Variants in LAMA4 observed in about 807,000 individuals in gnomAD.
The protein encoded by LAMA4 is laminin subunit alpha 4.
A neutral mutation model predicts 207.1 loss-of-function variants in LAMA4; 127 were observed. That is an observed-to-expected ratio of 0.61 (90% CI 0.53 to 0.71). The LOEUF (loss-of-function observed/expected upper bound fraction) is 0.71. Among genes scored for constraint, LAMA4 ranks in the 30% least tolerant of loss-of-function variants. The pLI, the probability that LAMA4 is intolerant of heterozygous loss-of-function variation, is 0.00. For synonymous variants in LAMA4, 761 were observed against 816.0 expected (o/e 0.93, Z 1.15); for missense variants, 2,093 against 2,246.5 (o/e 0.93, Z 1.38).
intron 17 of LAMA4, 50 bp downstream of exon 17, chr6:112,150,461 T>C: frequency 9.0e-7 from 1 of 1,106,150 alleles, no homozygotes; most frequent in Non-Finnish European, 1.4e-6. Context: ...AGGTTTACCT[T>C]ACACTCCAGT....
intron 18 of LAMA4, among the ~76,000 whole-genome samples, chr6:112,147,398 A>T (rs2114734637): frequency 6.6e-6 from 1 of 152,302 alleles, no homozygotes; most frequent in East Asian, 1.9e-4. Flanking sequence ...TCATATATGG[A>T]TTTATGACCT....
chr6:112,189,273 T>G (rs1782877567), intron 6 of LAMA4, 68 bp from the exon 7 acceptor site: 7 of 1,106,868 alleles, frequency 6.3e-6, no homozygotes, highest in East Asian at 2.4e-5. Context: ...AATATTTTCC[T>G]GGTTTCTAGA....
intron 6 of LAMA4, among the ~76,000 whole-genome samples, chr6:112,190,947 C>CCTTCCTTTCTTT (rs1783059483): frequency 7.4e-5 from 3 of 40,472 alleles, no homozygotes; most frequent in African/African-American, 2.2e-4. Flanking sequence ...TTCTTTCTTT[C>CCTTCCTTTCTTT]CTTTCTTTCT....
chr6:112,184,062 T>C (rs1554345950), intron 9 of LAMA4, among the ~76,000 whole-genome samples: 1 of 152,014 alleles, frequency 6.6e-6, no homozygotes, highest in African/African-American at 2.4e-5. Context: ...TATTTCTTGG[T>C]ATTTCCTTTA....
At chr6:112,190,774 A>G (rs927760517) in intron 6 of LAMA4, among the ~76,000 whole-genome samples, 1 of 152,222 alleles carries the variant, frequency 6.6e-6, no homozygotes, top group African/African-American at 2.4e-5. Flanking sequence ...TTGACTTGCT[A>G]ATCTATTTTA....
chr6:112,195,975 C>T (rs1055731667), intron 5 of LAMA4, among the ~76,000 whole-genome samples: 9 of 88,936 alleles, frequency 1.0e-4, no homozygotes, highest in Non-Finnish European at 1.7e-4. Context: ...ACTACACACA[C>T]TGCTATATAT....
chr6:112,110,887 C>T (rs1412781368), intron 38 of LAMA4, among the ~76,000 whole-genome samples: 1 of 152,050 alleles, frequency 6.6e-6, no homozygotes, highest in African/African-American at 2.4e-5. Context: ...GCCCTAGGAT[C>T]CTAAGTAATT....
At chr6:112,134,900 G>C (rs919639309) in intron 25 of LAMA4, among the ~76,000 whole-genome samples, 6 of 146,036 alleles carry the variant, frequency 4.1e-5, no homozygotes, top group Admixed American at 2.1e-4. Context: ...CTTCTGAGAG[G>C]ATTCAGGAAA....
Position 112,117,926 on chromosome 6 carries a change from C to T in LAMA4, c.4822-28G>A. 1.2e-6 allele frequency: 2 copies of T among 1,605,012 alleles called. No individual in the cohort carries two copies. The highest frequency in any genetic ancestry group is 2.2e-5 in the South Asian group (2 of 90,550). On this transcript the variant is annotated intron_variant, in intron 34 of 38. Coordinates refer to ENST00000230538, the MANE Select transcript of LAMA4 (RefSeq NM_001105206.3). This position sits in a 1 kb window ranked among gnomAD's most constrained non-coding sequence, Gnocchi z 4.5. ...GAGGGAAGAAGATATTTCTTAAAAT[C>T]AATTTTCTCAACACAAATGCACCAA...
rs116048251 is a variant in LAMA4 at position 112,119,119 on chromosome 6, A to C, written c.4821+37T>G. ...CTCAATTAGATGATCTTCTGGCTCTAATGGTCAATGGCTCTACCTGGTCAT... is the reference window on the plus strand; with the variant it reads ...CTCAATTAGATGATCTTCTGGCTCTCATGGTCAATGGCTCTACCTGGTCAT... On this transcript the variant is annotated intron_variant, in intron 34 of 38. Coordinates refer to ENST00000230538, the MANE Select transcript of LAMA4 (RefSeq NM_001105206.3). 3,633 of 1,609,150 alleles carry C rather than the reference A, an allele frequency of 2.3e-3. 57 individuals are homozygous for C. The African/African-American group carries it at 0.035, about 15-fold the overall frequency.
chr6:112,191,860 A>G lies in LAMA4; in HGVS notation c.504-10T>C. 6.4e-7 allele frequency: 1 copy of G among 1,570,366 alleles called. No homozygotes were observed. Among genetic ancestry groups the G allele is most frequent in the African/African-American group, 1.4e-5 (1 of 73,972 alleles). On this transcript the variant is annotated splice_polypyrimidine_tract_variant and intron_variant, in intron 5 of 38. Transcript: ENST00000230538. ...GTAACCGGGAGCACATCTGAAGAGG[A>G]ATATCACACATTTAAATATTTAGCA...
intron 12 of LAMA4, among the ~76,000 whole-genome samples, chr6:112,166,006 GT>G (rs1554339830): frequency 2.0e-5 from 3 of 152,166 alleles, no homozygotes; most frequent in Non-Finnish European, 4.4e-5. Context: ...GGAGGGAAAA[GT>G]AAAAGACTCA....
At chr6:112,245,785 T>C (rs1554188523) in intron 2 of LAMA4, among the ~76,000 whole-genome samples, 1 of 152,136 alleles carries the variant, frequency 6.6e-6, no homozygotes. Flanking sequence ...ATCTCTAGCC[T>C]CCACCAAAAC....
chr6:112,148,709 T>C (rs908732924), intron 17 of LAMA4, among the ~76,000 whole-genome samples: 1 of 22,868 alleles, frequency 4.4e-5, no homozygotes, highest in African/African-American at 2.1e-4. Context: ...AGAAAGATAT[T>C]TTTTTAATAG....
At chr6:112,144,067 C>T (rs1779868627) in intron 19 of LAMA4, among the ~76,000 whole-genome samples, 1 of 152,138 alleles carries the variant, frequency 6.6e-6, no homozygotes, top group Non-Finnish European at 1.5e-5. Context: ...AAACCATATA[C>T]TTTGGTCATA....
intron 3 of LAMA4, among the ~76,000 whole-genome samples, chr6:112,208,332 C>T (rs1286523894): frequency 6.6e-6 from 1 of 152,114 alleles, no homozygotes; most frequent in Non-Finnish European, 1.5e-5. Context: ...TTATTTTGGC[C>T]TTTATGCTTT....
At chr6:112,168,907 G>A (rs1210668119) in intron 12 of LAMA4, among the ~76,000 whole-genome samples, 1 of 152,178 alleles carries the variant, frequency 6.6e-6, no homozygotes, top group Admixed American at 6.5e-5. Flanking sequence ...AGGCTAGACA[G>A]AAGTACTCAT....
At position 112,130,300 on chromosome 6, in the gene LAMA4, T is replaced by TGTGTGTGTGTGTG. The variant is rs59700559; in HGVS notation, c.3969-261_3969-260insCACACACACACAC. ...AGATGACTAGTCATCAGCATTATTTTTGTGTGTGTGTGTGTGTGTGTGTGT... is the reference window on the plus strand; with the variant it reads ...AGATGACTAGTCATCAGCATTATTTTGTGTGTGTGTGTGTGTGTGTGTGTGTGTGTGTGTGTGT... On this transcript the variant is annotated intron_variant, in intron 29 of 38. Coordinates refer to ENST00000230538, the MANE Select transcript of LAMA4 (RefSeq NM_001105206.3). The TGTGTGTGTGTGTG allele has an allele frequency of 1.0e-3, 387 of 382,228 alleles. 3 individuals are homozygous for TGTGTGTGTGTGTG. Among genetic ancestry groups the TGTGTGTGTGTGTG allele is most frequent in the African/African-American group, 7.9e-3 (369 of 46,784 alleles). 23.7% of individuals were successfully genotyped at this position (382,228 alleles called of 1,614,324 possible).
At chr6:112,139,689 C>T in intron 23 of LAMA4, 63 bp downstream of exon 23, 1 of 1,587,504 alleles carries the variant, frequency 6.3e-7, no homozygotes, top group Non-Finnish European at 8.6e-7. Context: ...TTGACTCATA[C>T]TTGTTCTATC....
Sources: allele counts gnomAD v4.1 joint callset (sites outside exome capture counted in the v4.1 genomes callset), GRCh38; gene constraint gnomAD v4.1.1; non-coding constraint Gnocchi (gnomAD v3.1); transcripts MANE v1.5; gene names NCBI Gene and HGNC (gene_info 2026-07-23, HGNC 2026-07-21).